Variants in EVPL observed in about 807,000 individuals in gnomAD.
EVPL encodes 210 kDa cornified envelope precursor protein.
A neutral mutation model predicts 129.7 loss-of-function variants in EVPL; 94 were observed. The ratio of observed to expected loss-of-function variants is 0.72; its 90% CI spans 0.61 to 0.86. The LOEUF is 0.86. Among genes scored for constraint, EVPL ranks in the 40% least tolerant of loss-of-function variants. The pLI, the probability that EVPL is intolerant of heterozygous loss-of-function variation, is 0.00. For synonymous variants in EVPL, 1,172 were observed against 1,191.1 expected (o/e 0.98, Z 0.33); for missense variants, 2,625 against 2,721.1 (o/e 0.96, Z 0.79).
intron 4 of EVPL, 108 bp downstream of exon 4, chr17:76,023,184 T>G: frequency 6.5e-7 from 1 of 1,549,892 alleles, no homozygotes; most frequent in Non-Finnish European, 8.7e-7. Context: ...CCCAGACCCC[T>G]GAGCCACCCC....
intron 18 of EVPL, 141 bp from the exon 19 acceptor site, chr17:76,012,230 A>C: frequency 1.7e-6 from 1 of 586,948 alleles, no homozygotes; most frequent in South Asian, 2.2e-5. Flanking sequence ...CCTGGGCCAA[A>C]CTCCCTCCTT....
At chr17:76,014,332 G>A in intron 18 of EVPL, 94 bp downstream of exon 18, 7 of 1,466,174 alleles carry the variant, frequency 4.8e-6, no homozygotes, top group Non-Finnish European at 6.3e-6. Context: ...CAGGGCCTCC[G>A]TGGCCTGGGC....
At position 76,008,301 on chromosome 17, in the gene EVPL, C is replaced by A. The variant is rs1368574705; in HGVS notation, c.4904G>T (p.Gly1635Val). ...CGCCTCCAGCCGCGAGAGCTCCTGG[C>A]CCCGCTGGGCCGCCTTCTGTCGCTC... The part of the protein sequence containing the change: ...ESERQKAAQR[G>V]QELSRLEAAI... The change falls in exon 22 of 22, where the codon GGC (glycine) becomes GTC (valine). Residue 1635 changes from glycine (G) to valine (V), a missense_variant. Coordinates refer to ENST00000301607, the MANE Select transcript of EVPL (RefSeq NM_001988.4). This position sits in a 1 kb window ranked among gnomAD's most constrained non-coding sequence, Gnocchi z 7.4. 2 of 1,609,544 alleles carry A rather than the reference C, an allele frequency of 1.2e-6. No homozygotes were observed. The highest frequency in any genetic ancestry group is 1.7e-6 in the Non-Finnish European group (2 of 1,179,922).
In EVPL at chr17:76,015,318, C is replaced by T. The variant is rs779933517; in HGVS notation, c.1937G>A (p.Arg646Lys). 6.9e-6 allele frequency: 11 copies of T among 1,603,438 alleles called. No individual in the cohort carries two copies. Among genetic ancestry groups the T allele is most frequent in the Middle Eastern group, 1.6e-4 (1 of 6,076 alleles). ...GGTGGCCTCGAAGCCTCGGATGACC[C>T]TGTCCGCATCCTGGATCTGCCGCTC... ...DLERQIQDAD[R>K]VIRGFEATLV... The change falls in exon 16 of 22, where the codon AGG becomes AAG. Residue 646 changes from arginine to lysine, a missense_variant. Transcript: ENST00000301607.
chr17:76,008,825 G>T lies in EVPL; in HGVS notation c.4380C>A (p.Ile1460=), dbSNP rs1291710722. The T allele has an allele frequency of 1.9e-6, 3 of 1,613,858 alleles. No individual in the cohort carries two copies. Among genetic ancestry groups the T allele is most frequent in the Admixed American group, 1.7e-5 (1 of 59,996 alleles). ...EKRPPTVQEK[I]IMEEVVKLEK... is the part of the protein sequence containing the mutation. ...CCAGCTTGACCACTTCCTCCATGAT[G>T]ATCTTCTCCTGCACCGTGGGAGGCC... The change falls in exon 22 of 22, where the codon ATC becomes ATA. Residue 1460 remains isoleucine, a synonymous_variant. Coordinates refer to ENST00000301607, the MANE Select transcript of EVPL (RefSeq NM_001988.4). The surrounding 1 kb of genome is among the most constrained non-coding windows in gnomAD (Gnocchi z 7.4).
rs768704377 is a variant in EVPL at position 76,010,330 on chromosome 17, C to A, written c.2875G>T (p.Val959Leu). The change falls in exon 22 of 22, where the codon GTG becomes TTG. Residue 959 changes from valine to leucine, a missense_variant. Val to Leu is a conservative substitution (Grantham distance 32, BLOSUM62 1). Around this residue, in one of 4 missense-constraint regions of EVPL, gnomAD observed 1,453 missense variants for 1,511.8 expected, o/e 0.96. Coordinates refer to ENST00000301607, the MANE Select transcript of EVPL (RefSeq NM_001988.4). ...RPLERLEEKE[V>L]VEFYRDPQLE... is the part of the protein sequence containing the mutation. ...TGGGGGTCCCGGTAGAACTCTACCA[C>A]TTCCTTCTCCTCCAGCCTCTCCAAG... is the stretch of plus-strand genomic sequence containing the variant. 1 of 1,613,826 alleles carries A rather than the reference C, an allele frequency of 6.2e-7. No homozygotes were observed. The highest frequency in any genetic ancestry group is 1.3e-5 in the African/African-American group (1 of 74,920).
At position 76,010,126 on chromosome 17, in the gene EVPL, C is replaced by G. The variant is rs200895582; in HGVS notation, c.3079G>C (p.Gly1027Arg). 20 of 1,613,966 alleles carry G rather than the reference C, an allele frequency of 1.2e-5. No homozygotes were observed. Among genetic ancestry groups the G allele is most frequent in the Non-Finnish European group, 1.6e-5 (19 of 1,180,044 alleles). The change falls in exon 22 of 22, where the codon GGC becomes CGC. Residue 1027 changes from glycine to arginine, a missense_variant. Transcript: ENST00000301607. ...AGCTGGGCCGCCTGGCTGTCCAGGC[C>G]GGGGTCCCTCTCCACCTGGGTGACC... The part of the protein sequence containing the change: ...KEVTQVERDP[G>R]LDSQAAQLRI...
rs775711319 is a variant in EVPL at position 76,007,436 on chromosome 17, C to G, written c.5769G>C (p.Lys1923Asn). ...GCACGCTCTCCCGGGGCATCCAGCC[C>G]TTCTGGACGGCCTCGCCCACCGAGA... ...KRLSVGEAVQ[K>N]GWMPRESVLP... The change falls in exon 22 of 22, where the codon AAG (lysine) becomes AAC (asparagine). Residue 1923 changes from lysine (K) to asparagine (N), a missense_variant. Lys to Asn is a moderately conservative substitution (Grantham distance 94). This residue lies in a region of EVPL where 1,453 missense variants were observed against 1,511.8 expected (regional missense o/e 0.96). Transcript: ENST00000301607. The surrounding 1 kb of genome is among the most constrained non-coding windows in gnomAD (Gnocchi z 8.8). The G allele has an allele frequency of 6.4e-7, 1 of 1,567,368 alleles. No homozygotes were observed. Among genetic ancestry groups the G allele is most frequent in the South Asian group, 1.1e-5 (1 of 89,400 alleles).
chr17:76,021,617 C>A, intron 8 of EVPL, 54 bp from the exon 9 acceptor site: 1 of 1,396,384 alleles, frequency 7.2e-7, no homozygotes, highest in East Asian at 2.8e-5. Context: ...GTCCGCCCCA[C>A]CTCCCCCCTT....
At chr17:76,011,454 C>A in intron 21 of EVPL, 122 bp downstream of exon 21, 2 of 890,718 alleles carry the variant, frequency 2.2e-6, no homozygotes, top group Non-Finnish European at 3.7e-6. Context: ...CCAGGGGCTG[C>A]AGGCAGGAGG....
intron 3 of EVPL, 36 bp downstream of exon 3, chr17:76,023,464 C>T (rs376088106): frequency 5.6e-6 from 9 of 1,611,930 alleles, no homozygotes; most frequent in Non-Finnish European, 7.6e-6. Context: ...CTGGGTCTTC[C>T]CCAGGGACCC....
chr17:76,008,503 C>T lies in EVPL; in HGVS notation c.4702G>A (p.Glu1568Lys), dbSNP rs1030266308. Residue 1568 changes from glutamate to lysine, a missense_variant, in exon 22 of 22, where the codon GAG (glutamate) becomes AAG (lysine). This residue lies in a region of EVPL where 1,453 missense variants were observed against 1,511.8 expected (regional missense o/e 0.96). Coordinates refer to ENST00000301607, the MANE Select transcript of EVPL (RefSeq NM_001988.4). This position sits in a 1 kb window ranked among gnomAD's most constrained non-coding sequence, Gnocchi z 7.4. ...RRLRERIDRA[E>K]TLGRTWSREE... ...CGGGACCAGGTTCTCCCCAGCGTCT[C>T]GGCCCGGTCAATGCGCTCCCGCAGG... The T allele has an allele frequency of 2.5e-6, 4 of 1,603,328 alleles. No homozygotes were observed. The highest frequency in any genetic ancestry group is 1.3e-5 in the African/African-American group (1 of 74,992).
chr17:76,007,589 G>A lies in EVPL; in HGVS notation c.5616C>T (p.Leu1872=). Residue 1872 remains leucine, a synonymous_variant, in exon 22 of 22, where the codon CTC becomes CTT. Coordinates refer to ENST00000301607, the MANE Select transcript of EVPL (RefSeq NM_001988.4). The surrounding 1 kb of genome is among the most constrained non-coding windows in gnomAD (Gnocchi z 8.8). ...QAATGGIVDL[L]SRERYSVHKA... ...TGTGCACAGAGTAGCGCTCACGGCT[G>A]AGCAGGTCCACGATGCCCCCTGTGG... 1.9e-6 allele frequency: 3 copies of A among 1,614,024 alleles called. No homozygotes were observed. Among genetic ancestry groups the A allele is most frequent in the Non-Finnish European group, 2.5e-6 (3 of 1,180,036 alleles).
chr17:76,015,296 G>C lies in EVPL; in HGVS notation c.1959C>G (p.Ala653=). 1 of 1,602,504 alleles carries C rather than the reference G, an allele frequency of 6.2e-7. No individual in the cohort carries two copies. Among genetic ancestry groups the C allele is most frequent in the South Asian group, 1.1e-5 (1 of 90,522 alleles). Residue 653 remains alanine (A), a synonymous_variant, in exon 16 of 22, where the codon GCC becomes GCG. Coordinates refer to ENST00000301607, the MANE Select transcript of EVPL (RefSeq NM_001988.4). ...DADRVIRGFE[A]TLVQEAPIPA... is the part of the protein sequence containing the mutation. ...GGATGGGGGCCTCCTGCACCAGGGT[G>C]GCCTCGAAGCCTCGGATGACCCTGT...
intron 11 of EVPL, 97 bp downstream of exon 11, chr17:76,018,817 G>C: frequency 7.5e-7 from 1 of 1,338,054 alleles, no homozygotes; most frequent in Non-Finnish European, 9.8e-7. Context: ...GGGCGCAGGA[G>C]ACAGCTGGGG....
In EVPL at chr17:76,022,264, G is replaced by C; in HGVS notation, c.607-37C>G. ...AAGGGGAGAAACAAGCCCGTGAGAG[G>C]TGGGGTGCAGGGAGACGGCCCCCTA... On this transcript the variant is annotated intron_variant, in intron 5 of 21. Coordinates refer to ENST00000301607, the MANE Select transcript of EVPL (RefSeq NM_001988.4). This position sits in a 1 kb window ranked among gnomAD's most constrained non-coding sequence, Gnocchi z 5.6. 3.7e-6 allele frequency: 6 copies of C among 1,611,870 alleles called. No individual in the cohort carries two copies. The highest frequency in any genetic ancestry group is 5.1e-6 in the Non-Finnish European group (6 of 1,179,404).
rs774963318 is a variant in EVPL, at chr17:76,008,494, C to A, written c.4711G>T (p.Gly1571Trp). 1.9e-6 allele frequency: 3 copies of A among 1,601,836 alleles called. No homozygotes were observed. The highest frequency in any genetic ancestry group is 2.5e-6 in the Non-Finnish European group (3 of 1,178,116). Residue 1571 changes from glycine (G) to tryptophan (W), a missense_variant, in exon 22 of 22, where the codon GGG becomes TGG. Coordinates refer to ENST00000301607, the MANE Select transcript of EVPL (RefSeq NM_001988.4). This position sits in a 1 kb window ranked among gnomAD's most constrained non-coding sequence, Gnocchi z 7.4. ...RERIDRAETL[G>W]RTWSREESEL... ...GACTCCTCCCGGGACCAGGTTCTCC[C>A]CAGCGTCTCGGCCCGGTCAATGCGC...
At position 76,014,434 on chromosome 17, in the gene EVPL, C is replaced by T; in HGVS notation, c.2365G>A (p.Ala789Thr). 1 of 1,609,228 alleles carries T rather than the reference C, an allele frequency of 6.2e-7. No individual in the cohort carries two copies. The highest frequency in any genetic ancestry group is 8.5e-7 in the Non-Finnish European group (1 of 1,178,358). ...GPSQIAYKLQ[A>T]QKRLTQEIQS... ...CCCTGCCCCAGCCTCACCTTCTGCG[C>T]CTGCAGCTTGTAGGCGATCTGGCTG... The change falls in exon 18 of 22, where the codon GCG becomes ACG. Residue 789 changes from alanine to threonine, a missense_variant. By Grantham distance (58) the Ala-to-Thr change is moderately conservative (BLOSUM62 0). Transcript: ENST00000301607.
rs1327760738 is a variant in EVPL, at chr17:76,010,054, C to A, written c.3151G>T (p.Ala1051Ser). Residue 1051 changes from alanine (A) to serine (S), a missense_variant, in exon 22 of 22, where the codon GCC becomes TCC. Physicochemically the swap from Ala to Ser is moderately conservative, Grantham distance 99. Around this residue, in one of 4 missense-constraint regions of EVPL, gnomAD observed 1,453 missense variants for 1,511.8 expected, o/e 0.96. Coordinates refer to ENST00000301607, the MANE Select transcript of EVPL (RefSeq NM_001988.4). ...TCCTTCTTCAGCCCTTCCAGCCGGG[C>A]CGAGATGACGGCATCCTCCCCGCGG... is the stretch of plus-strand genomic sequence containing the variant. ...QLRGEDAVIS[A>S]RLEGLKKELL... 2 of 1,613,094 alleles carry A rather than the reference C, an allele frequency of 1.2e-6. No homozygotes were observed. Among genetic ancestry groups the A allele is most frequent in the South Asian group, 2.2e-5 (2 of 91,086 alleles).
Sources: gnomAD v4.1 joint callset for allele counts on GRCh38, gnomAD v4.1.1 for gene constraint, gnomAD v4.1.1 regional missense constraint, Gnocchi (gnomAD v3.1) non-coding constraint, MANE v1.5 for transcripts, NCBI Gene and HGNC (gene_info 2026-07-23, HGNC 2026-07-21) for gene names.